Variants in NBPF20 observed in about 807,000 individuals in gnomAD.
NBPF20 encodes the protein NBPF member 20, also known as NBPF family member NBPF20.
NBPF20 carries 90 observed loss-of-function variants against 68.1 expected under a neutral mutation model. The observed-to-expected ratio is 1.32, with a 90% CI of 1.11 to 1.58. NBPF20 has a LOEUF of 1.58. NBPF20 is among the 40% of genes most tolerant of loss of function. The pLI is 0.00. For missense variants in NBPF20, 816 were observed against 601.2 expected (o/e 1.36, Z -3.74); for synonymous variants, 290 against 228.1 (o/e 1.27, Z -2.45).
exon 138 of NBPF20, chr1:145,291,766 G>T: frequency 6.2e-7 from 1 of 1,611,876 alleles, no homozygotes; most frequent in East Asian, 2.2e-5. Flanking sequence ...GCACGCCGTT[G>T]AGCCTGGAAA....
chr1:145,394,953 A>G (rs1445614481), intron 8 of NBPF20, 25 bp downstream of exon 13: 1 of 1,611,974 alleles, frequency 6.2e-7, no homozygotes, highest in Non-Finnish European at 8.5e-7. Context: ...CTGGAGCTTT[A>G]TCACCTTCAC....
chr1:145,402,330 C>T (rs1359585712), exon 4 of NBPF20: 19 of 1,605,158 alleles, frequency 1.2e-5, no homozygotes, highest in Non-Finnish European at 1.6e-5. Context: ...GCAACTTCTC[C>T]CTTAACTGGG....
At chr1:145,421,492 A>G in the NBPF20 span, among the ~76,000 whole-genome samples, 1 of 152,210 alleles carries the variant, frequency 6.6e-6, no homozygotes, top group African/African-American at 2.4e-5. Context: ...ATTGTTGAAT[A>G]TGGTATTAGT....
chr1:145,393,434 GACAC>G (rs1433077887), intron 9 of NBPF20, among the ~76,000 whole-genome samples, 188 bp from the exon 15 acceptor site: 1 of 142,626 alleles, frequency 7.0e-6, no homozygotes. Context: ...GAAAGAGAGA[GACAC>G]ACACTCACAC....
chr1:145,393,483 A>G (rs1171205618), intron 9 of NBPF20, among the ~76,000 whole-genome samples: 1 of 151,770 alleles, frequency 6.6e-6, no homozygotes, highest in Non-Finnish European at 1.5e-5. Flanking sequence ...ACACACACAC[A>G]CACACACAGA....
At chr1:145,423,652 GAC>G in the NBPF20 span, among the ~76,000 whole-genome samples, 99 of 151,824 alleles carry the variant, frequency 6.5e-4, 1 homozygote, top group Non-Finnish European at 1.3e-3. Context: ...CACAAAAGAG[GAC>G]ACACAAATGA....
At chr1:145,410,081 C>T (rs498076), upstream of NBPF20, among the ~76,000 whole-genome samples, 12 of 152,146 alleles carry the variant, frequency 7.9e-5, no homozygotes, top group African/African-American at 2.6e-4. Context: ...ATTTGTGTTA[C>T]GTTTAACCTT....
exon 138 of NBPF20, chr1:145,291,254 C>A: frequency 6.9e-6 from 4 of 583,260 alleles, no homozygotes; most frequent in South Asian, 6.3e-5. Flanking sequence ...TTTGTAGCTA[C>A]CCAGAGATAC....
At chr1:145,400,970 G>A (rs1662495371) in intron 5 of NBPF20, 89 bp downstream of exon 10, 28 of 1,526,272 alleles carry the variant, frequency 1.8e-5, no homozygotes, top group Non-Finnish European at 2.4e-5. Flanking sequence ...GTGGGTTTTT[G>A]GCCGATCATA....
the NBPF20 span, among the ~76,000 whole-genome samples, chr1:145,419,105 GAGGGAGGGAGGGAGGC>G: frequency 7.3e-6 from 1 of 137,624 alleles, no homozygotes; most frequent in South Asian, 2.6e-4. Context: ...GGAAGGGAGG[GAGGGAGGGAGGGAGGC>G]AGGGAGGAAG....
At chr1:145,421,524 T>C in the NBPF20 span, among the ~76,000 whole-genome samples, 1 of 151,904 alleles carries the variant, frequency 6.6e-6, no homozygotes, top group Non-Finnish European at 1.5e-5. Context: ...TTCATTCATT[T>C]AACAAATATT....
At chr1:145,406,185 C>T (rs1207786116), upstream of NBPF20, among the ~76,000 whole-genome samples, 2 of 150,688 alleles carry the variant, frequency 1.3e-5, no homozygotes, top group African/African-American at 2.4e-5. Context: ...TCTGCCGCCT[C>T]GGCCTCCCAA....
chr1:145,422,755 T>G, the NBPF20 span, among the ~76,000 whole-genome samples: 1 of 151,512 alleles, frequency 6.6e-6, no homozygotes, highest in African/African-American at 2.4e-5. Flanking sequence ...CTGGGAGGCT[T>G]AAGTGGGAAG....
upstream of NBPF20, chr1:145,408,255 G>C (rs111402912): frequency 0.033 from 5,192 of 157,812 alleles, 156 homozygotes; most frequent in Non-Finnish European, 0.054. Context: ...TTAATTTCAG[G>C]AGTCATTACC....
chr1:145,292,113 G>GC (rs1228876358), intron 137 of NBPF20, among the ~76,000 whole-genome samples: 1 of 149,622 alleles, frequency 6.7e-6, no homozygotes, highest in East Asian at 1.9e-4. Context: ...GAGCTCAATA[G>GC]TTTTCCATAA....
In NBPF20 at chr1:145,292,015, GC is replaced by G. The variant is rs587726212; in HGVS notation, c.16698-247del. Among the ~76,000 whole-genome samples, 246 of 149,884 alleles carry G rather than the reference GC, an allele frequency of 1.6e-3. 12 individuals are homozygous for G. The highest frequency in any genetic ancestry group is 5.9e-3 in the African/African-American group (231 of 39,312). On this transcript the variant is annotated intron_variant, in intron 137 of 137. Coordinates refer to ENST00000369373, the Ensembl canonical transcript of NBPF20. ...GAGAGAGAAAGTGACCTAGTGAATT[GC>G]CCAGGTGACATACTGGTAAGGGAGT...
Position 145,392,818 on chromosome 1 carries a change from C to T in NBPF20, c.1216+256G>A, listed in dbSNP as rs1661973786. On this transcript the variant is annotated intron_variant, in intron 10 of 137. Coordinates refer to ENST00000369373, the Ensembl canonical transcript of NBPF20. ...GAGTTGTGTGAATTTGTCACATCTG[C>T]CCAGGTCGAACGTCATGAGAGTAGG... Among the ~76,000 whole-genome samples, 2 of 96,932 alleles carry T rather than the reference C, an allele frequency of 2.1e-5. 1 individual carries two copies. Among genetic ancestry groups the T allele is most frequent in the South Asian group, 6.4e-4 (2 of 3,138 alleles). 63.6% of individuals were successfully genotyped at this position (96,932 alleles called of 152,430 possible).
In NBPF20 at chr1:145,393,054, C is replaced by G; in HGVS notation, c.1216+20G>C. Reference sequence around the variant, plus strand: ...AGAAGACTCAGTGGATCCTTATCACCTTCATAGAAAGGTACTCACCATCCA... The same window carrying G: ...AGAAGACTCAGTGGATCCTTATCACGTTCATAGAAAGGTACTCACCATCCA... On this transcript the variant is annotated intron_variant, in intron 10 of 137. Transcript: ENST00000369373. 1 of 514,974 alleles carries G rather than the reference C, an allele frequency of 1.9e-6. No individual in the cohort carries two copies. Among genetic ancestry groups the G allele is most frequent in the Non-Finnish European group, 3.2e-6 (1 of 308,222 alleles). The allele number at this position is 514,974 out of a possible 1,614,324, so 31.9% of individuals were successfully genotyped here.
chr1:145,404,730 G>A (rs138963699), intron 2 of NBPF20, among the ~76,000 whole-genome samples: 1 of 152,156 alleles, frequency 6.6e-6, no homozygotes. Context: ...CTGAATAAAA[G>A]TTCACTAGTC....
Sources: gnomAD v4.1 joint callset for allele counts (sites outside exome capture counted in the v4.1 genomes callset) on GRCh38, gnomAD v4.1.1 for gene constraint, MANE v1.5 for transcripts, NCBI Gene and HGNC (gene_info 2026-07-23, HGNC 2026-07-21) for gene names.